ENDOV: variants seen among roughly 807,000 people sequenced by gnomAD.
ENDOV encodes endonuclease V.
Under a neutral mutation model 39.4 loss-of-function variants are expected in ENDOV, and 37 were observed. The ratio of observed to expected loss-of-function variants is 0.94; its 90% CI spans 0.72 to 1.23. ENDOV has a LOEUF of 1.23. Ranked by LOEUF, ENDOV falls within the 50% of genes most tolerant of loss-of-function variation. ENDOV has a pLI of 0.00. For missense variants in ENDOV, 441 were observed against 375.7 expected (o/e 1.17, Z -1.44); for synonymous variants, 186 against 163.4 (o/e 1.14, Z -1.05).
chr17:80,430,159 T>A, intron 9 of ENDOV: 1 of 1,501,020 alleles, frequency 6.7e-7, no homozygotes, highest in Non-Finnish European at 8.9e-7. Flanking sequence ...CGTCATCGGC[T>A]GGTCAGCTGT....
intron 9 of ENDOV, among the ~76,000 whole-genome samples, chr17:80,434,093 C>G (rs1234150729): frequency 6.6e-6 from 1 of 152,214 alleles, no homozygotes; most frequent in African/African-American, 2.4e-5. Context: ...TGGCACCCAG[C>G]AAGGGCTTCC....
At chr17:80,424,989 GA>G (rs765510825) in intron 5 of ENDOV, 42 bp from the exon 6 acceptor site, 1 of 1,548,276 alleles carries the variant, frequency 6.5e-7, no homozygotes, top group Non-Finnish European at 8.9e-7. Flanking sequence ...CCTTCACCAA[GA>G]AGAGAGGGGT....
At chr17:80,431,611 C>T (rs1468852111) in intron 9 of ENDOV, among the ~76,000 whole-genome samples, 1 of 152,200 alleles carries the variant, frequency 6.6e-6, no homozygotes, top group Non-Finnish European at 1.5e-5. Flanking sequence ...AGCCCCAGTG[C>T]GGCCCCTCAG....
intron 6 of ENDOV, 144 bp from the exon 7 acceptor site, chr17:80,425,348 C>T (rs760288542): frequency 4.0e-6 from 5 of 1,264,096 alleles, no homozygotes; most frequent in Non-Finnish European, 5.3e-6. Context: ...TGAGGGTGGG[C>T]AGGCCCTGGC....
chr17:80,431,025 G>A (rs1246719771), intron 9 of ENDOV, among the ~76,000 whole-genome samples: 1 of 152,174 alleles, frequency 6.6e-6, no homozygotes, highest in Non-Finnish European at 1.5e-5. Flanking sequence ...CCAGATCCCA[G>A]GCCCCCTGAG....
intron 2 of ENDOV, among the ~76,000 whole-genome samples, chr17:80,419,227 ACT>A (rs1293216951): frequency 2.6e-5 from 4 of 151,460 alleles, no homozygotes; most frequent in Admixed American, 1.3e-4. Flanking sequence ...TGGGGGAAAA[ACT>A]CTCCCAGAGT....
chr17:80,422,424 G>T (rs1251521396), intron 4 of ENDOV, among the ~76,000 whole-genome samples, 179 bp downstream of exon 4: 1 of 151,200 alleles, frequency 6.6e-6, no homozygotes, highest in African/African-American at 2.4e-5. Context: ...CTCCCCCACC[G>T]CCGGTAAAGG....
At chr17:80,427,649 C>T in intron 7 of ENDOV, 1 of 1,212,270 alleles carries the variant, frequency 8.2e-7, no homozygotes, top group East Asian at 6.1e-5. Flanking sequence ...TCTTCCTGAG[C>T]TCACTCACCT....
At chr17:80,421,740 G>C (rs1568219193) in intron 2 of ENDOV, 88 bp from the exon 3 acceptor site, 1 of 1,499,510 alleles carries the variant, frequency 6.7e-7, no homozygotes, top group Non-Finnish European at 9.0e-7. Context: ...GGAGAGGGAA[G>C]GATGAGGGGG....
At chr17:80,426,302 AC>A (rs1568237654) in intron 7 of ENDOV, among the ~76,000 whole-genome samples, 2 of 152,116 alleles carry the variant, frequency 1.3e-5, no homozygotes, top group Non-Finnish European at 2.9e-5. Flanking sequence ...TTAGGAAGAG[AC>A]CCGCTGGAGG....
At chr17:80,433,676 C>T (rs956637261) in intron 9 of ENDOV, among the ~76,000 whole-genome samples, 35 of 152,200 alleles carry the variant, frequency 2.3e-4, no homozygotes, top group African/African-American at 7.7e-4. Flanking sequence ...AGCTTCAACC[C>T]CAATGACCCA....
At chr17:80,415,537 C>G (rs995694400) in intron 1 of ENDOV, 113 bp from the exon 2 acceptor site, 1 of 1,364,460 alleles carries the variant, frequency 7.3e-7, no homozygotes, top group Non-Finnish European at 1.0e-6. Flanking sequence ...CTTGCTTTCC[C>G]TTGAAGCGGG....
At chr17:80,415,281 G>A (rs896622022) in intron 1 of ENDOV, 31 bp downstream of exon 1, 4 of 1,611,632 alleles carry the variant, frequency 2.5e-6, no homozygotes, top group Non-Finnish European at 3.4e-6. Flanking sequence ...GCAGGAGGCG[G>A]GGGCCGAGGC....
intron 9 of ENDOV, among the ~76,000 whole-genome samples, chr17:80,431,434 T>G (rs1393029372): frequency 6.6e-6 from 1 of 152,094 alleles, no homozygotes; most frequent in Non-Finnish European, 1.5e-5. Context: ...GTAGACTCAC[T>G]CCAGGACAAG....
intron 6 of ENDOV, 72 bp downstream of exon 6, chr17:80,425,172 A>ACGCGTGTC: frequency 2.2e-6 from 3 of 1,351,182 alleles, no homozygotes; most frequent in Non-Finnish European, 3.1e-6. Context: ...ACACAGGTGC[A>ACGCGTGTC]TGCAGACACG....
At position 80,428,611 on chromosome 17, in the gene ENDOV, C is replaced by T. The variant is rs375315445; in HGVS notation, c.730C>T (p.Arg244Ter). 1.7e-5 allele frequency: 27 copies of T among 1,585,056 alleles called. No individual in the cohort carries two copies. The African/African-American group carries it at 2.3e-4, about 13-fold the overall frequency. Reference protein sequence around the residue: ...EPVRQADICSREHIRKSLGLP... With the variant: ...EPVRQADICS Reference sequence around the variant, plus strand: ...TCTCCCCCAGGCTGACATCTGCTCCCGAGAGCACATCCGCAAGTCGCTGGG... The same window carrying T: ...TCTCCCCCAGGCTGACATCTGCTCCTGAGAGCACATCCGCAAGTCGCTGGG... Residue 244 changes from arginine (R) to a stop codon, truncating the protein, a stop_gained, in exon 8 of 10, where the codon CGA becomes TGA. Coordinates refer to ENST00000518137, the MANE Select transcript of ENDOV (RefSeq NM_173627.5). LOFTEE classifies it high-confidence loss of function.
At chr17:80,425,153 T>C in intron 6 of ENDOV, 53 bp downstream of exon 6, 4 of 1,506,242 alleles carry the variant, frequency 2.7e-6, no homozygotes, top group Middle Eastern at 1.8e-4. Context: ...GGGGATCCTT[T>C]GCAGGCAGAC....
chr17:80,436,080 T>C, intron 9 of ENDOV, 53 bp from the exon 10 acceptor site: 1 of 1,594,704 alleles, frequency 6.3e-7, no homozygotes, highest in Non-Finnish European at 8.5e-7. Flanking sequence ...CTTTCCACTC[T>C]GAACGCCTTT....
chr17:80,416,107 T>A, intron 2 of ENDOV: 1 of 299,972 alleles, frequency 3.3e-6, no homozygotes, highest in East Asian at 1.2e-4. Flanking sequence ...TGTGGTGGCA[T>A]ATACCTGTAA....
Sources: gnomAD v4.1 joint callset for allele counts (sites outside exome capture counted in the v4.1 genomes callset) on GRCh38, gnomAD v4.1.1 for gene constraint, MANE v1.5 for transcripts, NCBI Gene and HGNC (gene_info 2026-07-23, HGNC 2026-07-21) for gene names.